The following STRA6 variants were observed in gnomAD, a reference collection of about 807,000 sequenced individuals.
The protein encoded by STRA6 is receptor for retinol uptake STRA6.
In STRA6, 48 loss-of-function variants were observed where a neutral mutation model predicts 83.6. The ratio of observed to expected loss-of-function variants is 0.57; its 90% CI spans 0.46 to 0.73. The LOEUF is 0.73. STRA6 is among the 30% of genes least tolerant of loss of function. STRA6 has a pLI of 0.00. For missense variants in STRA6, 760 were observed against 838.8 expected (o/e 0.91, Z 1.16); for synonymous variants, 353 against 362.3 (o/e 0.97, Z 0.29).
rs1454599697 is a variant in STRA6 at position 74,182,691 on chromosome 15, A to T, written c.1301-231T>A. 4 of 551,362 alleles carry T rather than the reference A, an allele frequency of 7.3e-6. No individual in the cohort carries two copies. The East Asian group carries it at 1.2e-4, about 17-fold the overall frequency. 34.2% of individuals were successfully genotyped at this position (551,362 alleles called of 1,614,324 possible). On this transcript the variant is annotated intron_variant, in intron 14 of 18. Coordinates refer to ENST00000395105, the MANE Select transcript of STRA6 (RefSeq NM_022369.4). ...CCCTACCTCAGAGGCTGTTGTAAGG[A>T]TCCAATGAGATAATGTCTGTGGAAA...
chr15:74,196,477 G>A (rs1048335555), intron 4 of STRA6, among the ~76,000 whole-genome samples: 1 of 152,184 alleles, frequency 6.6e-6, no homozygotes, highest in Non-Finnish European at 1.5e-5. Flanking sequence ...AGAACTCAGC[G>A]AGTCACAACA....
At chr15:74,183,827 G>T (rs1437866872) in intron 14 of STRA6, 29 bp downstream of exon 14, 4 of 1,613,642 alleles carry the variant, frequency 2.5e-6, no homozygotes, top group Admixed American at 1.7e-5. Context: ...CCAGGCCAAG[G>T]CTGGGTGTGG....
chr15:74,205,754 C>G (rs1463999579), upstream of STRA6, among the ~76,000 whole-genome samples: 1 of 152,234 alleles, frequency 6.6e-6, no homozygotes, highest in Non-Finnish European at 1.5e-5. Flanking sequence ...TCCCCACCCC[C>G]CACGGAGAGC....
chr15:74,199,050 G>C (rs2073943393), intron 2 of STRA6, among the ~76,000 whole-genome samples: 1 of 152,252 alleles, frequency 6.6e-6, no homozygotes, highest in Non-Finnish European at 1.5e-5. Context: ...GAGAGCCAGA[G>C]GGAGGGTGGC....
intron 12 of STRA6, 125 bp from the exon 13 acceptor site, chr15:74,185,180 G>GGGC: frequency 1.1e-6 from 1 of 918,112 alleles, no homozygotes; most frequent in Non-Finnish European, 1.7e-6. Flanking sequence ...ACTCTGTGTG[G>GGGC]AAGCCTCTTG....
At chr15:74,199,662 G>A (rs1296528605) in intron 2 of STRA6, among the ~76,000 whole-genome samples, 1 of 152,200 alleles carries the variant, frequency 6.6e-6, no homozygotes, top group African/African-American at 2.4e-5. Context: ...GGCCCTTTCT[G>A]TATCACCTGA....
intron 10 of STRA6, 123 bp downstream of exon 10, chr15:74,191,044 G>T: frequency 6.4e-7 from 1 of 1,566,366 alleles, no homozygotes. Context: ...GTCCCAAGCT[G>T]GTAGTTGTCC....
At position 74,180,070 on chromosome 15, in the gene STRA6, T is replaced by G. The variant is rs545309882; in HGVS notation, c.*10A>C. 144 of 1,610,722 alleles carry G rather than the reference T, an allele frequency of 8.9e-5. 2 individuals carry two copies. The East Asian group carries it at 1.3e-3, about 15-fold the overall frequency. ...GCACAGATGGGCAGGTGGGTTGACC[T>G]TCCCTGCCCTCAGGGCTGGGCACCA... On this transcript the variant is annotated 3_prime_UTR_variant, in exon 19 of 19. Transcript: ENST00000395105.
chr15:74,198,230 A>G (rs1272712306), intron 2 of STRA6, among the ~76,000 whole-genome samples: 1 of 151,432 alleles, frequency 6.6e-6, no homozygotes, highest in East Asian at 1.9e-4. Flanking sequence ...CCTCAGCCTC[A>G]TGAGTAGCTG....
At chr15:74,199,261 G>A (rs1296540702) in intron 2 of STRA6, among the ~76,000 whole-genome samples, 1 of 152,242 alleles carries the variant, frequency 6.6e-6, no homozygotes, top group African/African-American at 2.4e-5. Context: ...TGTCCTGCTC[G>A]CTTTCTCTCA....
At position 74,195,453 on chromosome 15, in the gene STRA6, A is replaced by G. The variant is rs766682251; in HGVS notation, c.446T>C (p.Leu149Pro). ...GAGGGCAGCATAATAGAACAGTCCC[A>G]GTATCTTCCAGGCCCCTGGAAGGTG... is the stretch of plus-strand genomic sequence containing the variant. ...TEAPRGAWKILGLFYYAALYY... is the reference protein window; with the variant it reads ...TEAPRGAWKIPGLFYYAALYY... Residue 149 changes from leucine to proline, a missense_variant, in exon 7 of 19, where the codon CTG (leucine) becomes CCG (proline). Transcript: ENST00000395105. 64 of 1,613,296 alleles carry G rather than the reference A, an allele frequency of 4.0e-5. No homozygotes were observed. The highest frequency in any genetic ancestry group is 5.3e-5 in the Non-Finnish European group (62 of 1,179,924).
At chr15:74,198,535 G>A (rs2073924487) in intron 2 of STRA6, among the ~76,000 whole-genome samples, 1 of 152,178 alleles carries the variant, frequency 6.6e-6, no homozygotes, top group Non-Finnish European at 1.5e-5. Context: ...CACACTACCT[G>A]GGTCAAGCAG....
rs2072880455 is a variant in STRA6, at chr15:74,179,652, T to C, written c.*428A>G. ...GCTTTCCGGCCACTCCCCAGAGAGG[T>C]CCGTGGCGCTGAGGGGGTGAGGAAG... is the stretch of plus-strand genomic sequence containing the variant. On this transcript the variant is annotated 3_prime_UTR_variant, in exon 19 of 19. Coordinates refer to ENST00000395105, the MANE Select transcript of STRA6 (RefSeq NM_022369.4). 1 of 172,748 alleles carries C rather than the reference T, an allele frequency of 5.8e-6. No homozygotes were observed. Among genetic ancestry groups the C allele is most frequent in the African/African-American group, 2.4e-5 (1 of 42,020 alleles). The allele number at this position is 172,748 out of a possible 1,614,324, so 10.7% of individuals were successfully genotyped here.
chr15:74,208,998 T>C, exon 1 of STRA6: 1 of 1,028,746 alleles, frequency 9.7e-7, no homozygotes, highest in East Asian at 9.8e-5. Flanking sequence ...CTGAGAAGTG[T>C]CCCCAGCACC....
chr15:74,201,552 C>G (rs1447341785), intron 2 of STRA6, among the ~76,000 whole-genome samples: 1 of 152,108 alleles, frequency 6.6e-6, no homozygotes, highest in Non-Finnish European at 1.5e-5. Flanking sequence ...GGGCGGGCTG[C>G]CTTCCTGCTC....
upstream of STRA6, among the ~76,000 whole-genome samples, chr15:74,205,510 G>A (rs1476347574): frequency 2.0e-5 from 3 of 152,200 alleles, no homozygotes; most frequent in Non-Finnish European, 2.9e-5. Flanking sequence ...TTACCACAGG[G>A]AGGGCACCAA....
intron 2 of STRA6, among the ~76,000 whole-genome samples, chr15:74,200,401 A>C (rs975549166): frequency 2.0e-5 from 3 of 152,208 alleles, no homozygotes; most frequent in Non-Finnish European, 4.4e-5. Context: ...GGTTACAGCA[A>C]GCATGGGAGG....
upstream of STRA6, chr15:74,203,213 T>C (rs1245483205): frequency 1.0e-6 from 1 of 972,734 alleles, no homozygotes; most frequent in Admixed American, 6.6e-5. Context: ...GTAAACCCTT[T>C]TTGTTCCTAC....
At chr15:74,184,463 T>C (rs544824281) in intron 13 of STRA6, among the ~76,000 whole-genome samples, 9 of 152,304 alleles carry the variant, frequency 5.9e-5, no homozygotes, top group African/African-American at 2.2e-4. Context: ...CCACCTGCCC[T>C]GGGCCTTCAG....
Sources: allele counts gnomAD v4.1 joint callset (sites outside exome capture counted in the v4.1 genomes callset), GRCh38; gene constraint gnomAD v4.1.1; transcripts MANE v1.5; gene names NCBI Gene and HGNC (gene_info 2026-07-23, HGNC 2026-07-21).